Variants in ZNF577 observed in about 807,000 individuals in gnomAD.
ZNF577 encodes the protein zinc finger protein 577.
In ZNF577, 14 loss-of-function variants were observed where a neutral mutation model predicts 13.9. That is an observed-to-expected ratio of 1.00 (90% CI 0.66 to 1.57). The LOEUF (loss-of-function observed/expected upper bound fraction) is 1.57, where lower values mean the gene tolerates loss of function less well. ZNF577 is among the 40% of genes most tolerant of loss of function. The probability of loss-of-function intolerance (pLI) is 0.00; values close to 1 mark genes in which losing one functional copy is unlikely to be tolerated. For synonymous variants in ZNF577, 203 were observed against 202.9 expected, an observed-to-expected ratio of 1.00 and a Z score of 0.00; for missense variants, 555 against 579.2, an observed-to-expected ratio of 0.96 and a Z score of 0.43.
intron 5 of ZNF577, among the ~76,000 whole-genome samples, chr19:51,857,365 G>GGAAGGAAGGAAAGAAAGAAA (rs1338621079): frequency 1.1e-5 from 1 of 93,296 alleles, no homozygotes; most frequent in African/African-American, 4.8e-5. Context: ...AAAGAAGGAA[G>GGAAGGAAGGAAAGAAAGAAA]GAAAGAAAGA....
rs1314779015 is a variant in ZNF577 at position 51,873,698 on chromosome 19, TTA to T, written c.290_291del (p.Val97AspfsTer4). ...AAHSQICPGF[V>X]IQSRRYAGKD... ...TTTCCTGCATATCTTCTACTCTGGA[TTA>T]CAAAACCTAAATGAGATTTCAAACT... On this transcript the variant is annotated frameshift_variant, in exon 6 of 6. Transcript: ENST00000638348. LOFTEE classifies it low-confidence loss of function (END_TRUNC). The T allele has an allele frequency of 1.6e-5, 25 of 1,603,452 alleles. No homozygotes were observed. Among genetic ancestry groups the T allele is most frequent in the African/African-American group, 1.3e-5 (1 of 74,416 alleles).
intron 5 of ZNF577, among the ~76,000 whole-genome samples, chr19:51,851,663 C>T (rs1381689645): frequency 6.6e-6 from 1 of 152,104 alleles, no homozygotes; most frequent in Non-Finnish European, 1.5e-5. Flanking sequence ...GACCCTAACA[C>T]AGACTCTTCA....
chr19:51,820,652 G>C (rs1294903488), intron 9 of ZNF577, among the ~76,000 whole-genome samples: 1 of 152,198 alleles, frequency 6.6e-6, no homozygotes, highest in East Asian at 1.9e-4. Context: ...TTTGGAGAGT[G>C]GTAGAGAAAA....
chr19:51,844,334 T>G (rs1186690275), intron 6 of ZNF577, among the ~76,000 whole-genome samples: 2 of 152,162 alleles, frequency 1.3e-5, no homozygotes, highest in African/African-American at 4.8e-5. Flanking sequence ...TGGGTCCATA[T>G]GCTGGCACAC....
Position 51,868,749 on chromosome 19 carries a change from T to C in ZNF577, c.*3783A>G, listed in dbSNP as rs866668180. On this transcript the variant is annotated 3_prime_UTR_variant, in exon 6 of 6. Transcript: ENST00000638348. ...ATAGATCAGACTGCTACTGTGTCTA[T>C]GTAGAAAAAGGAAGACATAAGAAAC... Among the ~76,000 whole-genome samples, 4 of 152,184 alleles carry C rather than the reference T, an allele frequency of 2.6e-5. No homozygotes were observed. The highest frequency in any genetic ancestry group is 4.4e-5 in the Non-Finnish European group (3 of 68,030).
chr19:51,886,708 T>C (rs1449002860), intron 1 of ZNF577, 113 bp downstream of exon 1: 1 of 152,222 alleles, frequency 6.6e-6, no homozygotes, highest in African/African-American at 2.4e-5. Flanking sequence ...GTACTACACT[T>C]TGAACATACT....
At chr19:51,813,352 C>A (rs1379398908) in intron 9 of ZNF577, among the ~76,000 whole-genome samples, 2 of 152,050 alleles carry the variant, frequency 1.3e-5, no homozygotes, top group East Asian at 3.9e-4. Context: ...GCAGAACAAT[C>A]ATAATTGAAA....
chr19:51,823,906 T>G (rs2084210086), intron 9 of ZNF577: 1 of 1,613,946 alleles, frequency 6.2e-7, no homozygotes, highest in African/African-American at 1.3e-5. Flanking sequence ...GTGGCTGGAT[T>G]CCGGATGACA....
chr19:51,862,355 C>A (rs1599860851), downstream of ZNF577: 2 of 152,442 alleles, frequency 1.3e-5, no homozygotes, highest in East Asian at 3.9e-4. Context: ...TTGTTGAGAT[C>A]CAACTTCCAG....
chr19:51,839,333 G>A (rs190083902), intron 9 of ZNF577, among the ~76,000 whole-genome samples: 10 of 152,266 alleles, frequency 6.6e-5, no homozygotes, highest in African/African-American at 2.2e-4. Flanking sequence ...GGTTGAGGCT[G>A]CAGTAAGCTA....
At position 51,805,935 on chromosome 19, in the gene ZNF577, C is replaced by T. The variant is rs142855747; in HGVS notation, c.*818-681G>A. Among the ~76,000 whole-genome samples the T allele has an allele frequency of 2.4e-3, 359 of 152,198 alleles. 1 individual carries two copies. The highest frequency in any genetic ancestry group is 8.3e-3 in the African/African-American group (343 of 41,522). On this transcript the variant is annotated intron_variant and NMD_transcript_variant, in intron 10 of 10. Coordinates refer to the ZNF577 transcript ENST00000638827. The stretch of plus-strand genomic sequence containing the variant: ...AGGAATCCCTAGCCCAGGGATGCAA[C>T]CTAAAATCATCAAAGTCGAGATATT...
chr19:51,836,337 AATC>A (rs200385556), intron 9 of ZNF577, among the ~76,000 whole-genome samples: 2,349 of 150,330 alleles, frequency 0.016, 40 homozygotes, highest in Non-Finnish European at 0.019. Flanking sequence ...AACAGTGTGA[AATC>A]ATCATAAAAT....
At position 51,824,533 on chromosome 19, in the gene ZNF577, T is replaced by C. The variant is rs1323789281; in HGVS notation, c.*600-12859A>G. On this transcript the variant is annotated intron_variant and NMD_transcript_variant, in intron 9 of 10. Transcript: ENST00000638827. This position sits in a 1 kb window ranked among gnomAD's most constrained non-coding sequence, Gnocchi z 4.7. ...TGGTTCCCTTATGAACTAATTGGCA[T>C]TCTAATGGCAGTCTGGCTCAAAGAG... The C allele has an allele frequency of 6.2e-7, 1 of 1,614,130 alleles. No homozygotes were observed. Among genetic ancestry groups the C allele is most frequent in the Non-Finnish European group, 8.5e-7 (1 of 1,179,976 alleles).
intron 1 of ZNF577, among the ~76,000 whole-genome samples, chr19:51,884,718 T>A (rs943704923): frequency 3.9e-5 from 6 of 152,236 alleles, no homozygotes; most frequent in African/African-American, 1.4e-4. Flanking sequence ...AATACTTGCA[T>A]TCAAGGTTAT....
intron 5 of ZNF577, among the ~76,000 whole-genome samples, chr19:51,853,999 T>G (rs1413779993): frequency 2.0e-5 from 3 of 151,128 alleles, no homozygotes; most frequent in Admixed American, 2.0e-4. Context: ...AAAATTAACA[T>G]TTATTGAATC....
chr19:51,827,491 T>C (rs981337757), intron 9 of ZNF577, among the ~76,000 whole-genome samples: 1 of 152,348 alleles, frequency 6.6e-6, no homozygotes, highest in Non-Finnish European at 1.5e-5. Flanking sequence ...GCAAATAAGA[T>C]AGTGTCTGAT....
At chr19:51,854,496 A>ATTTTTTTTT (rs780953746) in intron 5 of ZNF577, among the ~76,000 whole-genome samples, 1 of 123,212 alleles carries the variant, frequency 8.1e-6, no homozygotes, top group African/African-American at 3.3e-5. Context: ...GCCCAGCTAA[A>ATTTTTTTTT]TTTTTTTTTT....
Position 51,855,367 on chromosome 19 carries a change from C to CTGTGTGTGTGTGTATG in ZNF577, c.284-10437_284-10436insCATACACACACACACA, listed in dbSNP as rs1555745556. On this transcript the variant is annotated intron_variant and NMD_transcript_variant, in intron 5 of 10. Coordinates refer to the ZNF577 transcript ENST00000638827. ...AGTTTTCCACTCTTTGCTGAGGGTG[C>CTGTGTGTGTGTGTATG]TGTGTGTGTGTGTGTGTGTGTGTGT... 2.5e-3 allele frequency among the ~76,000 whole-genome samples: 355 copies of CTGTGTGTGTGTGTATG among 143,558 alleles called. 4 individuals carry two copies. The highest frequency in any genetic ancestry group is 7.5e-3 in the African/African-American group (287 of 38,082). The allele number at this position is 143,558 out of a possible 152,430, so 94.2% of individuals were successfully genotyped here.
intron 9 of ZNF577, chr19:51,825,136 T>A (rs553121252): frequency 1.2e-5 from 3 of 257,706 alleles, no homozygotes; most frequent in Non-Finnish European, 2.4e-5. Flanking sequence ...CCAGCTTCAA[T>A]CAGGGTTCCC....
Sources: allele counts gnomAD v4.1 joint callset (sites outside exome capture counted in the v4.1 genomes callset), GRCh38; gene constraint gnomAD v4.1.1; non-coding constraint Gnocchi (gnomAD v3.1); transcripts MANE v1.5; gene names NCBI Gene and HGNC (gene_info 2026-07-23, HGNC 2026-07-21).